The following AMT variants were observed in gnomAD, a reference collection of about 807,000 sequenced individuals.
AMT encodes aminomethyltransferase, mitochondrial.
AMT carries 24 observed loss-of-function variants against 39.5 expected under a neutral mutation model. The observed-to-expected ratio is 0.61, with a 90% CI of 0.44 to 0.86. AMT has a LOEUF of 0.86. AMT is among the 40% of genes least tolerant of loss of function. AMT has a pLI of 0.00. For missense variants in AMT, 501 were observed against 537.0 expected (o/e 0.93, Z 0.66); for synonymous variants, 210 against 212.1 (o/e 0.99, Z 0.09).
chr3:49,418,239 G>A (rs1206849027), intron 7 of AMT: 1 of 500,486 alleles, frequency 2.0e-6, no homozygotes, highest in Non-Finnish European at 3.6e-6. Context: ...CTAGAATGCA[G>A]TGGCACGATC....
At chr3:49,419,852 C>G in intron 4 of AMT, 64 bp from the exon 5 acceptor site, 1 of 1,468,812 alleles carries the variant, frequency 6.8e-7, no homozygotes. Context: ...GGGCTGGACG[C>G]TGCAGAGCTG....
In AMT at chr3:49,419,703, C is replaced by G. The variant is rs755478633; in HGVS notation, c.550+7G>C. On this transcript the variant is annotated splice_region_variant and intron_variant, in intron 5 of 8. Coordinates refer to ENST00000273588, the MANE Select transcript of AMT (RefSeq NM_000481.4). ...GGTTGGCTCCAACCCCAGCCCAGCCCTCTCACCTTGCAGAGCTAGCAGGGC... is the reference window on the plus strand; with the variant it reads ...GGTTGGCTCCAACCCCAGCCCAGCCGTCTCACCTTGCAGAGCTAGCAGGGC... The G allele has an allele frequency of 6.2e-7, 1 of 1,614,154 alleles. No homozygotes were observed. Among genetic ancestry groups the G allele is most frequent in the Non-Finnish European group, 8.5e-7 (1 of 1,179,974 alleles).
In AMT at chr3:49,422,179, G is replaced by A. The variant is rs2049116527; in HGVS notation, c.183C>T (p.Tyr61=). The A allele has an allele frequency of 6.2e-7, 1 of 1,613,886 alleles. No individual in the cohort carries two copies. Among genetic ancestry groups the A allele is most frequent in the African/African-American group, 1.3e-5 (1 of 74,936 alleles). The change falls in exon 2 of 9, where the codon TAC becomes TAT. Residue 61 remains tyrosine (Y), a synonymous_variant. Transcript: ENST00000273588. ...GGTGCGAGTCAGTGTGACTGTCCCG[G>A]TACTGCACTGGCAGACTCCAACCCG... ...AFAGWSLPVQ[Y]RDSHTDSHLH...
intron 7 of AMT, 74 bp from the exon 8 acceptor site, chr3:49,418,047 CAAGT>C: frequency 6.6e-7 from 1 of 1,515,516 alleles, no homozygotes; most frequent in South Asian, 1.2e-5. Flanking sequence ...ATGAGGTCCT[CAAGT>C]AACACACTAT....
rs2049024445 is a variant in AMT, at chr3:49,417,791, G to C, written c.1033+27C>G. The C allele has an allele frequency of 4.3e-6, 7 of 1,614,016 alleles. No homozygotes were observed. The South Asian group carries it at 5.5e-5, about 13-fold the overall frequency. ...CCCACCCTCCTGGGAAGAGACAAGG[G>C]TTTCCCAGCTTCCCTGGTCCACCTA... is the stretch of plus-strand genomic sequence containing the variant. On this transcript the variant is annotated intron_variant, in intron 8 of 8. Coordinates refer to ENST00000273588, the MANE Select transcript of AMT (RefSeq NM_000481.4).
chr3:49,417,414 C>T lies in AMT; in HGVS notation c.*126G>A, dbSNP rs1344709256. Reference sequence around the variant, plus strand: ...GGGGGGAATAGGTGGTGTGGCCCCTCAACCAGACAATTAGAATCAGCCTCC... The same window carrying T: ...GGGGGGAATAGGTGGTGTGGCCCCTTAACCAGACAATTAGAATCAGCCTCC... On this transcript the variant is annotated 3_prime_UTR_variant, in exon 9 of 9. Transcript: ENST00000273588. 1 of 1,610,842 alleles carries T rather than the reference C, an allele frequency of 6.2e-7. No homozygotes were observed. The highest frequency in any genetic ancestry group is 1.7e-5 in the Admixed American group (1 of 60,012).
At chr3:49,421,409 G>T in intron 3 of AMT, 83 bp downstream of exon 3, 1 of 1,065,852 alleles carries the variant, frequency 9.4e-7, no homozygotes, top group Non-Finnish European at 1.5e-6. Flanking sequence ...TCATCTCTGT[G>T]CCCCTAAGCC....
Position 49,417,068 on chromosome 3 carries a change from G to A in AMT, c.*472C>T, listed in dbSNP as rs1359480249. ...GTGAGTCAGCAATCATTCCTGACTT[G>A]CAGTAAGGACAATTTGCATTTACGG... On this transcript the variant is annotated 3_prime_UTR_variant, in exon 9 of 9. Transcript: ENST00000273588. 1 of 641,360 alleles carries A rather than the reference G, an allele frequency of 1.6e-6. No homozygotes were observed. The highest frequency in any genetic ancestry group is 3.2e-5 in the East Asian group (1 of 31,704). 39.7% of individuals were successfully genotyped at this position (641,360 alleles called of 1,614,324 possible). A position where few individuals can be genotyped will look rare whatever the true frequency, so the allele number is the denominator to read the frequency against.
chr3:49,422,440 G>A lies in AMT; in HGVS notation c.11C>T (p.Ala4Val). Residue 4 changes from alanine to valine, a missense_variant, in exon 1 of 9, where the codon GCT (alanine) becomes GTT (valine). Coordinates refer to ENST00000273588, the MANE Select transcript of AMT (RefSeq NM_000481.4). ...GCCCAGACGGGCCACCACACTTACA[G>A]CCCTCTGCATCGTCGCCTGCAACGA... MQR[A>V]VSVVARLGFR... 6.2e-7 allele frequency: 1 copy of A among 1,613,246 alleles called. No homozygotes were observed. The highest frequency in any genetic ancestry group is 2.2e-5 in the East Asian group (1 of 44,874).
rs550514336 is a variant in AMT, at chr3:49,420,413, C to T, written c.340-71G>A. 3.0e-5 allele frequency: 48 copies of T among 1,610,522 alleles called. No homozygotes were observed. In the East Asian group the frequency reaches 9.8e-4, roughly 33 times the overall value. ...AGGCCAAGGGTGAGCCAGACACAAC[C>T]CTGGACCCACTTAGTTACCAAAAGG... On this transcript the variant is annotated intron_variant, in intron 3 of 8. Coordinates refer to ENST00000273588, the MANE Select transcript of AMT (RefSeq NM_000481.4).
In AMT at chr3:49,416,792, G is replaced by C. The variant is rs1255740338; in HGVS notation, c.*748C>G. ...AAGCTAGAGACTGGCAAGTAAGAAG[G>C]AAGTTTAATTTTTTTTTCAGGATTC... On this transcript the variant is annotated 3_prime_UTR_variant, in exon 9 of 9. Transcript: ENST00000273588. The C allele has an allele frequency of 2.2e-6, 1 of 450,580 alleles. No homozygotes were observed. Among genetic ancestry groups the C allele is most frequent in the African/African-American group, 2.0e-5 (1 of 49,896 alleles). 27.9% of individuals were successfully genotyped at this position (450,580 alleles called of 1,614,324 possible). A position where few individuals can be genotyped will look rare whatever the true frequency, so the allele number is the denominator to read the frequency against.
chr3:49,420,617 A>G (rs2107934345), intron 3 of AMT: 1 of 461,146 alleles, frequency 2.2e-6, no homozygotes, highest in Admixed American at 3.4e-5. Context: ...CCCATCTGAC[A>G]CTTAATCTAT....
At position 49,417,320 on chromosome 3, in the gene AMT, A is replaced by G; in HGVS notation, c.*220T>C. On this transcript the variant is annotated 3_prime_UTR_variant, in exon 9 of 9. Transcript: ENST00000273588. ...CAGTGGGATCATGGACTGAAACAAG[A>G]CATTGTGTGAGCTGGTCCGTCACTC... 1.3e-6 allele frequency: 2 copies of G among 1,596,212 alleles called. No homozygotes were observed. The highest frequency in any genetic ancestry group is 2.2e-5 in the East Asian group (1 of 44,766).
chr3:49,417,772 C>T, intron 8 of AMT, 46 bp downstream of exon 8: 2 of 1,614,080 alleles, frequency 1.2e-6, no homozygotes, highest in Middle Eastern at 1.6e-4. Context: ...TGCCCCCACC[C>T]TCCTGGGAAG....
chr3:49,418,095 A>G, intron 7 of AMT, 122 bp from the exon 8 acceptor site: 2 of 1,297,946 alleles, frequency 1.5e-6, no homozygotes, highest in Middle Eastern at 2.5e-4. Flanking sequence ...GGGCTACTCC[A>G]GGCTCTATTC....
At position 49,420,160 on chromosome 3, in the gene AMT, CT is replaced by C. The variant is rs1234743673; in HGVS notation, c.471+50del. ...AACCCTGTCTTGGACAACAAGGATACTGCTCTATGAACAAGGAAGACAAGGT... is the reference window on the plus strand; with the variant it reads ...AACCCTGTCTTGGACAACAAGGATACGCTCTATGAACAAGGAAGACAAGGT... On this transcript the variant is annotated intron_variant, in intron 4 of 8. Coordinates refer to ENST00000273588, the MANE Select transcript of AMT (RefSeq NM_000481.4). 7.4e-6 allele frequency: 12 copies of C among 1,612,238 alleles called. No homozygotes were observed. In the Middle Eastern group the frequency reaches 1.3e-3, roughly 177 times the overall value.
chr3:49,420,740 G>A, intron 3 of AMT: 1 of 304,812 alleles, frequency 3.3e-6, no homozygotes, highest in Non-Finnish European at 6.5e-6. Context: ...GCTCTCCTAA[G>A]TACTCCATAG....
Position 49,419,103 on chromosome 3 carries a change from T to A in AMT, c.745A>T (p.Lys249Ter). 1.2e-6 allele frequency: 2 copies of A among 1,614,008 alleles called. No individual in the cohort carries two copies. Among genetic ancestry groups the A allele is most frequent in the Non-Finnish European group, 1.7e-6 (2 of 1,179,970 alleles). The change falls in exon 7 of 9, where the codon AAA (lysine) becomes TAA (stop). Residue 249 changes from lysine to a stop codon, truncating the protein, a stop_gained. Transcript: ENST00000273588. LOFTEE classifies it high-confidence loss of function. ...CCTGCCAGCTTCACCTCTGGGTTTT[T>A]CAGAATAGCTGTTGCCAGGTGAACT... ...GAVHLATAIL[K>*]NPEVKLAGLA...
intron 7 of AMT, chr3:49,418,182 AGTTTCTTTTTTTT>A: frequency 1.7e-6 from 1 of 603,092 alleles, no homozygotes; most frequent in Non-Finnish European, 2.9e-6. Flanking sequence ...GAGCGTCTTC[AGTTTCTTTTTTTT>A]TTTTTTGAGA....
Sources: gnomAD v4.1 joint callset for allele counts on GRCh38, gnomAD v4.1.1 for gene constraint, MANE v1.5 for transcripts, NCBI Gene and HGNC (gene_info 2026-07-23, HGNC 2026-07-21) for gene names.